Variants in UBXN6 observed in about 807,000 individuals in gnomAD.
UBXN6 encodes UBX domain protein 6.
In UBXN6, 44 loss-of-function variants were observed where a neutral mutation model predicts 51.4. The observed-to-expected ratio is 0.86, with a 90% CI of 0.67 to 1.10. The LOEUF is 1.10. Ranked by LOEUF, UBXN6 falls within the 50% of genes least tolerant of loss-of-function variation. The pLI, the probability that UBXN6 is intolerant of heterozygous loss-of-function variation, is 0.00. For missense variants in UBXN6, 672 were observed against 596.1 expected (o/e 1.13, Z -1.32); for synonymous variants, 316 against 263.2 (o/e 1.20, Z -1.94).
Position 4,445,369 on chromosome 19 carries a change from G to A in UBXN6, c.*129C>T, listed in dbSNP as rs1050153401. On this transcript the variant is annotated 3_prime_UTR_variant, in exon 11 of 11. Coordinates refer to ENST00000301281, the MANE Select transcript of UBXN6 (RefSeq NM_025241.3). The stretch of plus-strand genomic sequence containing the variant: ...CCAATTCCACAGCTCCACGGCTGGC[G>A]CCCCTCCCGTGCCCATGGGGCAGAG... 1.8e-5 allele frequency: 27 copies of A among 1,462,632 alleles called. No homozygotes were observed. The highest frequency in any genetic ancestry group is 5.6e-5 in the African/African-American group (4 of 70,974). The allele number at this position is 1,462,632 out of a possible 1,614,324, so 90.6% of individuals were successfully genotyped here.
At chr19:4,446,779 T>A (rs1480439136) in intron 7 of UBXN6, 57 bp downstream of exon 7, 1 of 1,613,254 alleles carries the variant, frequency 6.2e-7, no homozygotes, top group Non-Finnish European at 8.5e-7. Flanking sequence ...AGCCGGGCCC[T>A]CCTGCCCCGA....
At chr19:4,445,988 C>A in intron 10 of UBXN6, 61 bp downstream of exon 10, 2 of 1,537,396 alleles carry the variant, frequency 1.3e-6, no homozygotes, top group Non-Finnish European at 1.8e-6. Flanking sequence ...GTGTCTGTGC[C>A]GGTCCCAGGA....
In UBXN6 at chr19:4,446,520, G is replaced by A. The variant is rs764632030; in HGVS notation, c.900C>T (p.Ile300=). ...CCCACCTGAGCCTCTGCTCCCGCTT[G>A]ATCTCCTCTGCTGTGAGGTTGAAGA... ...GDFFNLTAEE[I]KREQRLRSEA... Residue 300 remains isoleucine, a synonymous_variant, in exon 8 of 11, where the codon ATC becomes ATT. Coordinates refer to ENST00000301281, the MANE Select transcript of UBXN6 (RefSeq NM_025241.3). The A allele has an allele frequency of 3.1e-6, 5 of 1,610,748 alleles. No individual in the cohort carries two copies. Among genetic ancestry groups the A allele is most frequent in the Admixed American group, 1.7e-5 (1 of 59,960 alleles).
At chr19:4,452,300 A>G in intron 4 of UBXN6, 64 bp downstream of exon 4, 1 of 1,588,014 alleles carries the variant, frequency 6.3e-7, no homozygotes, top group Non-Finnish European at 8.6e-7. Flanking sequence ...TGGGCTTCCG[A>G]TGGAGGGTGG....
intron 1 of UBXN6, among the ~76,000 whole-genome samples, chr19:4,456,973 C>T (rs1974747579): frequency 6.6e-6 from 1 of 152,114 alleles, no homozygotes; most frequent in African/African-American, 2.4e-5. Flanking sequence ...CCTCCCTGGC[C>T]TTCCAGACTC....
intron 1 of UBXN6, 118 bp downstream of exon 1, chr19:4,457,497 C>CT: frequency 2.3e-6 from 2 of 856,020 alleles, no homozygotes; most frequent in Non-Finnish European, 3.2e-6. Flanking sequence ...CCCTGACCCT[C>CT]GCGTGCCGCT....
rs1329386436 is a variant in UBXN6 at position 4,452,409 on chromosome 19, CAG to C, written c.394_395del (p.Leu132GlufsTer77). 6.2e-7 allele frequency: 1 copy of C among 1,613,234 alleles called. No homozygotes were observed. The highest frequency in any genetic ancestry group is 2.2e-5 in the East Asian group (1 of 44,878). On this transcript the variant is annotated frameshift_variant, in exon 4 of 11. Transcript: ENST00000301281. LOFTEE classifies it high-confidence loss of function. ...YFTCPLTGAT[L>X]RKDQRDACIK... ...TGCAGGCGTCCCGCTGGTCCTTCCT[CAG>C]GGTGGCCCCAGTGAGCGGACAGGTG...
At chr19:4,453,428 TG>T in intron 3 of UBXN6, 29 bp downstream of exon 3, 2 of 1,609,018 alleles carry the variant, frequency 1.2e-6, no homozygotes, top group Non-Finnish European at 1.7e-6. Flanking sequence ...CCCCTTGGCA[TG>T]GGACAGTGCC....
chr19:4,457,526 C>T (rs1974756895), intron 1 of UBXN6, 89 bp downstream of exon 1: 1 of 1,215,390 alleles, frequency 8.2e-7, no homozygotes, highest in South Asian at 1.4e-5. Flanking sequence ...CTCATCCTCT[C>T]CGATCTCCCG....
chr19:4,457,484 C>A lies in UBXN6; in HGVS notation c.83+131G>T, dbSNP rs550745113. On this transcript the variant is annotated intron_variant, in intron 1 of 10. Coordinates refer to ENST00000301281, the MANE Select transcript of UBXN6 (RefSeq NM_025241.3). Reference sequence around the variant, plus strand: ...TCGTCCGCCCCCGGCGCCTCTCCCCCTCCCCTGACCCTCGCGTGCCGCTCC... The same window carrying A: ...TCGTCCGCCCCCGGCGCCTCTCCCCATCCCCTGACCCTCGCGTGCCGCTCC... The A allele has an allele frequency of 4.2e-4, 295 of 702,870 alleles. 7 individuals carry two copies. Among genetic ancestry groups the A allele is most frequent in the Non-Finnish European group, 5.2e-4 (257 of 496,964 alleles). The allele number at this position is 702,870 out of a possible 1,614,324, so 43.5% of individuals were successfully genotyped here. A position where few individuals can be genotyped will look rare whatever the true frequency, so the allele number is the denominator to read the frequency against.
intron 4 of UBXN6, chr19:4,448,796 C>T: frequency 8.1e-6 from 2 of 247,288 alleles, no homozygotes. Flanking sequence ...ATGGACGCCC[C>T]ATCCCTCCTG....
intron 1 of UBXN6, chr19:4,454,898 C>T (rs1445403914): frequency 6.6e-6 from 1 of 152,354 alleles, no homozygotes; most frequent in Non-Finnish European, 1.5e-5. Context: ...GGAGGCCTCA[C>T]CATCCCATTC....
chr19:4,455,651 C>T (rs1974730038), intron 1 of UBXN6, among the ~76,000 whole-genome samples: 1 of 152,178 alleles, frequency 6.6e-6, no homozygotes, highest in Non-Finnish European at 1.5e-5. Context: ...GGCCTGTCTC[C>T]CCTGGGCTCC....
chr19:4,454,221 GCCAGGACACCTGGTTC>G, intron 1 of UBXN6, 128 bp from the exon 2 acceptor site: 1 of 1,093,500 alleles, frequency 9.1e-7, no homozygotes, highest in South Asian at 1.6e-5. Flanking sequence ...GCCTATGTGG[GCCAGGACACCTGGTTC>G]CCAGGGGCCA....
At position 4,445,940 on chromosome 19, in the gene UBXN6, G is replaced by A. The variant is rs773932661; in HGVS notation, c.1200+109C>T. 7 of 1,480,942 alleles carry A rather than the reference G, an allele frequency of 4.7e-6. No individual in the cohort carries two copies. The South Asian group carries it at 9.5e-5, about 20-fold the overall frequency. The allele number at this position is 1,480,942 out of a possible 1,614,324, so 91.7% of individuals were successfully genotyped here. A position where few individuals can be genotyped will look rare whatever the true frequency, so the allele number is the denominator to read the frequency against. On this transcript the variant is annotated intron_variant, in intron 10 of 10. Transcript: ENST00000301281. ...GATTCAAACCCAGGGACCTGCCCAGGCCCCCTGCTCTGAGAACAAGGAGGC... is the reference window on the plus strand; with the variant it reads ...GATTCAAACCCAGGGACCTGCCCAGACCCCCTGCTCTGAGAACAAGGAGGC...
Position 4,446,724 on chromosome 19 carries a change from A to G in UBXN6, c.701-5T>C. On this transcript the variant is annotated splice_polypyrimidine_tract_variant and splice_region_variant and intron_variant, in intron 7 of 10. Transcript: ENST00000301281. Reference sequence around the variant, plus strand: ...CGTAGAACTCCTCGGGGTCCTCTACAGCGTGGCAGGACATGGGTGTCACTG... The same window carrying G: ...CGTAGAACTCCTCGGGGTCCTCTACGGCGTGGCAGGACATGGGTGTCACTG... The G allele has an allele frequency of 9.3e-6, 15 of 1,608,596 alleles. No homozygotes were observed. Among genetic ancestry groups the G allele is most frequent in the Non-Finnish European group, 1.2e-5 (14 of 1,176,622 alleles).
rs1298985813 is a variant in UBXN6, at chr19:4,457,566, C to T, written c.83+49G>A. On this transcript the variant is annotated intron_variant, in intron 1 of 10. Coordinates refer to ENST00000301281, the MANE Select transcript of UBXN6 (RefSeq NM_025241.3). ...GCCCAAGGCCCCAGATCTCTCTCCC[C>T]GGCCGTCCCCGCCCCGCAGGGCCTC... The T allele has an allele frequency of 7.1e-6, 11 of 1,540,824 alleles. No homozygotes were observed. In the East Asian group the frequency reaches 2.0e-4, roughly 29 times the overall value.
chr19:4,455,128 GGCAGAGAAGCCTC>G (rs1022751867), intron 1 of UBXN6: 20 of 857,470 alleles, frequency 2.3e-5, no homozygotes, highest in Admixed American at 6.2e-5. Context: ...ACAGTGACCT[GGCAGAGAAGCCTC>G]GCAGAGAAGC....
At position 4,446,879 on chromosome 19, in the gene UBXN6, C is replaced by T. The variant is rs1314458136; in HGVS notation, c.657G>A (p.Glu219=). ...NCLEGTHEFF[E]AIGFQKVLLP... is the part of the protein sequence containing the mutation. ...GCAACACCTTCTGGAACCCAATGGC[C>T]TCAAAAAACTCGTGGGTCCCTTCCA... The change falls in exon 7 of 11, where the codon GAG becomes GAA. Residue 219 remains glutamate, a synonymous_variant. Transcript: ENST00000301281. 6.2e-7 allele frequency: 1 copy of T among 1,613,908 alleles called. No homozygotes were observed. The highest frequency in any genetic ancestry group is 8.5e-7 in the Non-Finnish European group (1 of 1,180,022).
Sources: allele counts gnomAD v4.1 joint callset (sites outside exome capture counted in the v4.1 genomes callset), GRCh38; gene constraint gnomAD v4.1.1; transcripts MANE v1.5; gene names NCBI Gene and HGNC (gene_info 2026-07-23, HGNC 2026-07-21).